LUZP2: variants seen among roughly 807,000 people sequenced by gnomAD.
LUZP2 encodes the protein leucine zipper protein 2.
LUZP2 carries 52 observed loss-of-function variants against 51.6 expected under a neutral mutation model. The ratio of observed to expected loss-of-function variants is 1.01; its 90% CI spans 0.81 to 1.27. The LOEUF is 1.27. Ranked by LOEUF, LUZP2 falls within the 50% of genes most tolerant of loss-of-function variation. The probability of loss-of-function intolerance (pLI) is 0.00; values close to 1 mark genes in which losing one functional copy is unlikely to be tolerated. For missense variants in LUZP2, 436 were observed against 395.4 expected (o/e 1.10, Z -0.87); for synonymous variants, 154 against 137.3 (o/e 1.12, Z -0.85).
intron 10 of LUZP2, among the ~76,000 whole-genome samples, chr11:25,070,943 C>T (rs542578456): frequency 2.7e-4 from 41 of 151,942 alleles, no homozygotes; most frequent in Admixed American, 5.3e-4. Flanking sequence ...CACCTTTAGC[C>T]GTGACCTTGA....
intron 4 of LUZP2, among the ~76,000 whole-genome samples, chr11:24,741,988 T>C (rs1859188804): frequency 7.5e-6 from 1 of 132,594 alleles, no homozygotes; most frequent in Non-Finnish European, 1.6e-5. Context: ...ATATATTATA[T>C]ATAAATGTAT....
chr11:24,880,589 C>T (rs1315693515), intron 5 of LUZP2, among the ~76,000 whole-genome samples: 1 of 152,114 alleles, frequency 6.6e-6, no homozygotes, highest in Non-Finnish European at 1.5e-5. Context: ...GCCCAGAGAA[C>T]ACATTTTGAG....
chr11:24,551,537 C>A (rs553741461), intron 1 of LUZP2, among the ~76,000 whole-genome samples: 5 of 151,948 alleles, frequency 3.3e-5, no homozygotes, highest in African/African-American at 1.2e-4. Context: ...TTGTGCAATT[C>A]TGATTATGCT....
chr11:24,883,839 C>T (rs530731133), intron 5 of LUZP2, among the ~76,000 whole-genome samples: 10 of 152,084 alleles, frequency 6.6e-5, no homozygotes, highest in African/African-American at 2.4e-4. Flanking sequence ...CTCTTTATAT[C>T]CTGTGCCTAA....
Position 24,990,231 on chromosome 11 carries a change from T to C in LUZP2, c.765+6938T>C, listed in dbSNP as rs1344076547. Among the ~76,000 whole-genome samples the C allele has an allele frequency of 3.9e-5, 6 of 152,048 alleles. No homozygotes were observed. The East Asian group carries it at 1.2e-3, about 29-fold the overall frequency. ...ATATCTAGCATGACTCAAAAGACTA[T>C]TGAATGGGTTATCCTGAAGTTTTCC... On this transcript the variant is annotated intron_variant, in intron 9 of 11. Transcript: ENST00000336930.
intron 1 of LUZP2, among the ~76,000 whole-genome samples, chr11:24,675,789 A>T (rs201771015): frequency 2.9e-5 from 4 of 136,800 alleles, no homozygotes; most frequent in African/African-American, 8.2e-5. Flanking sequence ...TCTTTTTTTT[A>T]TATTTATTTA....
At chr11:25,015,932 T>A (rs1395524263) in intron 9 of LUZP2, among the ~76,000 whole-genome samples, 13 of 151,416 alleles carry the variant, frequency 8.6e-5, no homozygotes, top group Non-Finnish European at 1.5e-4. Flanking sequence ...TTATTTATTT[T>A]TTTTTTGAGA....
chr11:24,932,821 C>A (rs557721034), intron 7 of LUZP2, among the ~76,000 whole-genome samples: 1 of 152,176 alleles, frequency 6.6e-6, no homozygotes, highest in Non-Finnish European at 1.5e-5. Flanking sequence ...GCCTCTCTCT[C>A]GGGTTCTGTC....
chr11:24,751,468 C>T (rs934385128), intron 4 of LUZP2: 2 of 398,674 alleles, frequency 5.0e-6, no homozygotes, highest in Non-Finnish European at 6.8e-6. Flanking sequence ...TCAATGGCAA[C>T]AGCTCAGGCC....
At chr11:25,029,562 C>G (rs1165049022) in intron 9 of LUZP2, among the ~76,000 whole-genome samples, 11 of 151,922 alleles carry the variant, frequency 7.2e-5, no homozygotes, top group Non-Finnish European at 1.5e-4. Context: ...CATGGTGAAA[C>G]CCCATCTCTG....
At chr11:24,616,563 C>T (rs1854297044) in intron 1 of LUZP2, among the ~76,000 whole-genome samples, 2 of 151,542 alleles carry the variant, frequency 1.3e-5, no homozygotes, top group South Asian at 2.1e-4. Context: ...AAAAGACTAC[C>T]TTTCCACCAT....
intron 5 of LUZP2, among the ~76,000 whole-genome samples, chr11:24,764,194 T>G (rs965064836): frequency 6.6e-6 from 1 of 152,198 alleles, no homozygotes; most frequent in Admixed American, 6.5e-5. Flanking sequence ...TATATGCACA[T>G]GCACACGTGC....
At chr11:25,015,894 T>C (rs1254687670) in intron 9 of LUZP2, among the ~76,000 whole-genome samples, 2 of 144,272 alleles carry the variant, frequency 1.4e-5, no homozygotes, top group Non-Finnish European at 3.0e-5. Context: ...GAAGTGTGAA[T>C]TTCTTTTTTT....
chr11:24,914,014 A>G (rs1460233620), intron 6 of LUZP2, among the ~76,000 whole-genome samples: 2 of 152,128 alleles, frequency 1.3e-5, no homozygotes, highest in Non-Finnish European at 2.9e-5. Flanking sequence ...GCATGTTAGT[A>G]TTGTAGCAGC....
intron 5 of LUZP2, among the ~76,000 whole-genome samples, chr11:24,804,631 T>C (rs1357199926): frequency 6.6e-6 from 1 of 152,164 alleles, no homozygotes; most frequent in Non-Finnish European, 1.5e-5. Context: ...AGAATAAAGA[T>C]GTTCATTTCC....
chr11:24,905,519 C>T (rs1276728847), intron 5 of LUZP2, among the ~76,000 whole-genome samples: 1 of 151,960 alleles, frequency 6.6e-6, no homozygotes, highest in East Asian at 1.9e-4. Flanking sequence ...CGGAGTGAAA[C>T]TTCGCTCAAA....
chr11:24,805,450 A>C (rs1401697039), intron 5 of LUZP2, among the ~76,000 whole-genome samples: 1 of 152,064 alleles, frequency 6.6e-6, no homozygotes, highest in Non-Finnish European at 1.5e-5. Flanking sequence ...CCTGACATCA[A>C]GTGATCTGCC....
At chr11:25,036,400 A>T (rs959059900) in intron 9 of LUZP2, among the ~76,000 whole-genome samples, 74 of 151,896 alleles carry the variant, frequency 4.9e-4, no homozygotes, top group African/African-American at 1.6e-3. Context: ...TACCAATCAT[A>T]TTCATTTTTT....
intron 1 of LUZP2, among the ~76,000 whole-genome samples, chr11:24,570,780 G>T (rs992965118): frequency 1.3e-5 from 2 of 151,968 alleles, no homozygotes; most frequent in South Asian, 2.1e-4. Context: ...AAGCCAAGAG[G>T]TGGAGTTCTA....
Sources: allele counts gnomAD v4.1 joint callset (sites outside exome capture counted in the v4.1 genomes callset), GRCh38; gene constraint gnomAD v4.1.1; transcripts MANE v1.5; gene names NCBI Gene and HGNC (gene_info 2026-07-23, HGNC 2026-07-21).